The following SCN11A variants were observed in gnomAD, a reference collection of about 807,000 sequenced individuals.
SCN11A encodes sodium channel protein type 11 subunit alpha.
SCN11A carries 122 observed loss-of-function variants against 162.2 expected under a neutral mutation model. That is an observed-to-expected ratio of 0.75 (90% CI 0.65 to 0.87). SCN11A has a LOEUF of 0.87. Ranked by LOEUF, SCN11A falls within the 40% of genes least tolerant of loss-of-function variation. SCN11A has a pLI of 0.00. For synonymous variants in SCN11A, 758 were observed against 751.5 expected (o/e 1.01, Z -0.14); for missense variants, 2,015 against 2,181.6 (o/e 0.92, Z 1.52).
intron 2 of SCN11A, among the ~76,000 whole-genome samples, chr3:39,019,334 C>CTT (rs1297178054): frequency 6.6e-6 from 1 of 152,126 alleles, no homozygotes; most frequent in Non-Finnish European, 1.5e-5. Context: ...TTCCCACACC[C>CTT]TTTTGATTGC....
intron 2 of SCN11A, among the ~76,000 whole-genome samples, chr3:39,025,471 G>A (rs2031565233): frequency 6.6e-6 from 1 of 152,224 alleles, no homozygotes; most frequent in Non-Finnish European, 1.5e-5. Flanking sequence ...TGCTAAACAA[G>A]CGGTGGATTA....
chr3:39,043,500 A>AC (rs1355048043), intron 1 of SCN11A, among the ~76,000 whole-genome samples: 1 of 149,230 alleles, frequency 6.7e-6, no homozygotes, highest in Non-Finnish European at 1.5e-5. Context: ...AAAAAAAAAA[A>AC]CCCAGAATCC....
At chr3:39,017,613 T>A (rs1365351491) in intron 2 of SCN11A, among the ~76,000 whole-genome samples, 1 of 151,966 alleles carries the variant, frequency 6.6e-6, no homozygotes, top group Non-Finnish European at 1.5e-5. Context: ...ATTTTTTCTG[T>A]CTCTCTCTCT....
At chr3:39,024,088 T>C (rs2031523496) in intron 2 of SCN11A, among the ~76,000 whole-genome samples, 1 of 152,216 alleles carries the variant, frequency 6.6e-6, no homozygotes, top group Non-Finnish European at 1.5e-5. Flanking sequence ...TCACTGCAGA[T>C]ACTCCTATAA....
chr3:38,880,045 T>C lies in SCN11A; in HGVS notation c.3298A>G (p.Ile1100Val), dbSNP rs775249002. ...LNCTDIIFTHIFILEMVLKWV... is the reference protein window; with the variant it reads ...LNCTDIIFTHVFILEMVLKWV... The stretch of plus-strand genomic sequence containing the variant: ...TTTAGTACCATCTCCAGGATAAAAA[T>C]ATGTGTAAAAATAATGTCAGTACAA... The change falls in exon 23 of 30, where the codon ATT (isoleucine) becomes GTT (valine). Residue 1100 changes from isoleucine (I) to valine (V), a missense_variant. Ile to Val is a conservative substitution (Grantham distance 29). Coordinates refer to ENST00000302328, the MANE Select transcript of SCN11A (RefSeq NM_001349253.2). 6.2e-7 allele frequency: 1 copy of C among 1,611,022 alleles called. No homozygotes were observed. The highest frequency in any genetic ancestry group is 1.1e-5 in the South Asian group (1 of 90,962).
At chr3:39,005,371 G>C (rs2030940784) in intron 2 of SCN11A, among the ~76,000 whole-genome samples, 1 of 152,192 alleles carries the variant, frequency 6.6e-6, no homozygotes. Context: ...CTGCCATTCT[G>C]TACTAGGATC....
At chr3:38,887,471 G>C (rs564051691) in intron 19 of SCN11A, among the ~76,000 whole-genome samples, 2 of 149,338 alleles carry the variant, frequency 1.3e-5, no homozygotes, top group South Asian at 4.3e-4. Context: ...AGCATTAGGA[G>C]ATATACCTAA....
At position 38,898,216 on chromosome 3, in the gene SCN11A, C is replaced by A. The variant is rs532764378; in HGVS notation, c.2023-991G>T. Among the ~76,000 whole-genome samples the A allele has an allele frequency of 3.3e-5, 5 of 152,290 alleles. No individual in the cohort carries two copies. The East Asian group carries it at 9.6e-4, about 29-fold the overall frequency. ...TCACGCCACTGTACTCCAGCCTGGG[C>A]AACAGAGCCAAACTCTGTCTCAAAA... On this transcript the variant is annotated intron_variant, in intron 17 of 29. Transcript: ENST00000302328.
intron 28 of SCN11A, among the ~76,000 whole-genome samples, chr3:38,856,862 C>A (rs566278817): frequency 6.6e-6 from 1 of 152,278 alleles, no homozygotes; most frequent in East Asian, 1.9e-4. Flanking sequence ...TCAGGGAAAG[C>A]CAGTGCACAA....
intron 16 of SCN11A, among the ~76,000 whole-genome samples, chr3:38,902,660 G>C (rs899609994): frequency 4.6e-5 from 7 of 152,078 alleles, no homozygotes; most frequent in Non-Finnish European, 8.8e-5. Context: ...TGGGACTACA[G>C]GCGCCTGCCA....
At chr3:38,931,842 T>C (rs1381670580) in intron 7 of SCN11A, among the ~76,000 whole-genome samples, 1 of 152,204 alleles carries the variant, frequency 6.6e-6, no homozygotes, top group African/African-American at 2.4e-5. Context: ...CAGTAAGTCA[T>C]TGCTCCAGTC....
chr3:38,847,789 T>C, intron 29 of SCN11A, 47 bp from the exon 30 acceptor site: 1 of 1,237,220 alleles, frequency 8.1e-7, no homozygotes, highest in Non-Finnish European at 1.1e-6. Context: ...GGCACACTGG[T>C]TTCAGATCCA....
Position 38,904,052 on chromosome 3 carries a change from G to C in SCN11A, c.1655C>G (p.Ser552Cys), listed in dbSNP as rs1408896415. The change falls in exon 16 of 30, where the codon TCC becomes TGC. Residue 552 changes from serine (S) to cysteine (C), a missense_variant. Ser to Cys is a moderately radical substitution (Grantham distance 112). Transcript: ENST00000302328. ...GCAACAGTTCCACACGAGGTACTTG[G>C]ATGCCAGGTTTTCTCCACAAGGGAG... Reference protein sequence around the residue: ...PCLPCGENLASKYLVWNCCPQ... With the variant: ...PCLPCGENLACKYLVWNCCPQ... The C allele has an allele frequency of 6.2e-7, 1 of 1,602,256 alleles. No individual in the cohort carries two copies. Among genetic ancestry groups the C allele is most frequent in the South Asian group, 1.1e-5 (1 of 88,204 alleles).
At chr3:38,941,638 C>T (rs540000573) in intron 7 of SCN11A, among the ~76,000 whole-genome samples, 58 of 152,134 alleles carry the variant, frequency 3.8e-4, no homozygotes, top group Middle Eastern at 6.8e-3. Context: ...GCCAATTTAA[C>T]AATGCATTGT....
At chr3:38,981,549 G>T (rs968072780) in intron 2 of SCN11A, among the ~76,000 whole-genome samples, 3 of 151,656 alleles carry the variant, frequency 2.0e-5, no homozygotes, top group Non-Finnish European at 4.4e-5. Context: ...GTGTGTGTGT[G>T]TGTGTGTGTG....
chr3:38,900,009 T>C lies in SCN11A; in HGVS notation c.1907A>G (p.Tyr636Cys). The change falls in exon 17 of 30, where the codon TAC (tyrosine) becomes TGC (cysteine). Residue 636 changes from tyrosine to cysteine, a missense_variant. By Grantham distance (194) the Tyr-to-Cys change is radical. Coordinates refer to ENST00000302328, the MANE Select transcript of SCN11A (RefSeq NM_001349253.2). ...AAAAATGTTCCAGCCTCGGCGAAAGTAGTGGTAGGGATCGAGCGCAATGAT... is the reference window on the plus strand; with the variant it reads ...AAAAATGTTCCAGCCTCGGCGAAAGCAGTGGTAGGGATCGAGCGCAATGAT... ...LKIIALDPYH[Y>C]FRRGWNIFDS... The C allele has an allele frequency of 6.2e-7, 1 of 1,613,990 alleles. No homozygotes were observed. Among genetic ancestry groups the C allele is most frequent in the Non-Finnish European group, 8.5e-7 (1 of 1,179,974 alleles).
chr3:38,855,943 T>A (rs1187608162), intron 28 of SCN11A, among the ~76,000 whole-genome samples: 3 of 152,096 alleles, frequency 2.0e-5, no homozygotes, highest in African/African-American at 7.2e-5. Flanking sequence ...CCCTGCCAGG[T>A]GGCTAGAACC....
intron 29 of SCN11A, 147 bp downstream of exon 29, chr3:38,850,334 G>A: frequency 2.9e-6 from 2 of 679,490 alleles, no homozygotes; most frequent in Non-Finnish European, 4.9e-6. Context: ...GTAGAGAATG[G>A]CATTAGTACC....
At chr3:38,857,994 G>C (rs916910627) in intron 28 of SCN11A, among the ~76,000 whole-genome samples, 1 of 151,962 alleles carries the variant, frequency 6.6e-6, no homozygotes, top group Non-Finnish European at 1.5e-5. Context: ...AATGCAAAAA[G>C]GAGTTCTAAA....
Sources: gnomAD v4.1 joint callset for allele counts (sites outside exome capture counted in the v4.1 genomes callset) on GRCh38, gnomAD v4.1.1 for gene constraint, MANE v1.5 for transcripts, NCBI Gene and HGNC (gene_info 2026-07-23, HGNC 2026-07-21) for gene names.